Variants in SH2D1B observed in about 807,000 individuals in gnomAD.
SH2D1B encodes the protein SH2 domain-containing protein 1B.
A neutral mutation model predicts 16.3 loss-of-function variants in SH2D1B; 11 were observed. The ratio of observed to expected loss-of-function variants is 0.67; its 90% confidence interval spans 0.42 to 1.11. SH2D1B has a LOEUF of 1.11. Among genes scored for constraint, SH2D1B ranks in the 50% most tolerant of loss-of-function variants. The probability of loss-of-function intolerance (pLI) is 0.00; values close to 1 mark genes in which losing one functional copy is unlikely to be tolerated. For synonymous variants in SH2D1B, 55 were observed against 56.1 expected (o/e 0.98, Z 0.09); for missense variants, 123 against 153.1 (o/e 0.80, Z 1.04).
intron 2 of SH2D1B, among the ~76,000 whole-genome samples, chr1:162,401,527 A>G (rs1445293213): frequency 6.6e-6 from 1 of 152,210 alleles, no homozygotes; most frequent in East Asian, 1.9e-4. Context: ...ACACATATAT[A>G]TAAGCTATTT....
In SH2D1B at chr1:162,397,254, A is replaced by T. The variant is rs1411529828; in HGVS notation, c.*26T>A. On this transcript the variant is annotated 3_prime_UTR_variant, in exon 4 of 4. Transcript: ENST00000367929. ...GTGAGAACTGTTACTCATCTCTTCA[A>T]CTTGCTTTGTCCGGCAGCCTTATCT... 5 of 1,613,542 alleles carry T rather than the reference A, an allele frequency of 3.1e-6. No individual in the cohort carries two copies. In the African/African-American group the frequency reaches 6.7e-5, roughly 22 times the overall value.
chr1:162,399,538 T>C (rs535378349), intron 2 of SH2D1B, among the ~76,000 whole-genome samples: 2 of 152,214 alleles, frequency 1.3e-5, no homozygotes, highest in African/African-American at 4.8e-5. Context: ...ATGTGCAGGA[T>C]GTACAGGTTT....
intron 2 of SH2D1B, among the ~76,000 whole-genome samples, chr1:162,399,854 TA>T (rs1369181865): frequency 6.6e-6 from 1 of 152,210 alleles, no homozygotes; most frequent in Non-Finnish European, 1.5e-5. Flanking sequence ...TTTTTTGACC[TA>T]AGCTCCTTTC....
intron 2 of SH2D1B, among the ~76,000 whole-genome samples, chr1:162,400,128 A>G (rs192603925): frequency 2.0e-4 from 31 of 152,276 alleles, no homozygotes; most frequent in African/African-American, 6.7e-4. Flanking sequence ...TACTTTATGA[A>G]TTTAAAATAC....
chr1:162,404,048 T>G (rs904844923), intron 1 of SH2D1B, among the ~76,000 whole-genome samples: 3 of 152,106 alleles, frequency 2.0e-5, no homozygotes, highest in African/African-American at 7.2e-5. Flanking sequence ...ATATATTACG[T>G]TCTTAGGCAG....
rs529037562 is a variant in SH2D1B at position 162,400,667 on chromosome 1, G to T, written c.199-1580C>A. Among the ~76,000 whole-genome samples the T allele has an allele frequency of 2.6e-5, 4 of 151,906 alleles. No homozygotes were observed. The South Asian group carries it at 8.4e-4, about 32-fold the overall frequency. On this transcript the variant is annotated intron_variant, in intron 2 of 3. Coordinates refer to ENST00000367929, the MANE Select transcript of SH2D1B (RefSeq NM_053282.5). ...ATTTTAAAATGAAAAGAATTTTCTG[G>T]CTAGGCTCAGTGGCTCATGCCTGTA...
At chr1:162,398,769 C>T (rs1442160340) in intron 3 of SH2D1B, among the ~76,000 whole-genome samples, 154 bp downstream of exon 3, 2 of 152,218 alleles carry the variant, frequency 1.3e-5, no homozygotes, top group Non-Finnish European at 2.9e-5. Context: ...AAAGACAGCA[C>T]TTCTCAACAA....
At chr1:162,402,473 G>C (rs921575233) in intron 2 of SH2D1B, 2 of 247,690 alleles carry the variant, frequency 8.1e-6, no homozygotes, top group Non-Finnish European at 1.5e-5. Context: ...AGCCGAGATC[G>C]CACCACTGCA....
intron 1 of SH2D1B, among the ~76,000 whole-genome samples, chr1:162,406,280 C>G (rs1648652533): frequency 6.6e-6 from 1 of 152,162 alleles, no homozygotes; most frequent in Non-Finnish European, 1.5e-5. Context: ...TTCCAAATTA[C>G]ACTGAGTCCA....
chr1:162,408,025 C>T (rs1039830412), intron 1 of SH2D1B, among the ~76,000 whole-genome samples: 6 of 152,274 alleles, frequency 3.9e-5, no homozygotes, highest in Non-Finnish European at 8.8e-5. Flanking sequence ...TAATGATAGT[C>T]CAATCATCAT....
rs377292960 is a variant in SH2D1B, at chr1:162,412,024, G to T, written c.-8C>A. 3.1e-6 allele frequency: 5 copies of T among 1,613,848 alleles called. No individual in the cohort carries two copies. The highest frequency in any genetic ancestry group is 4.2e-6 in the Non-Finnish European group (5 of 1,179,924). On this transcript the variant is annotated 5_prime_UTR_variant, in exon 1 of 4. Transcript: ENST00000367929. ...GTAGTAAGGCAGATCCATGGAGAAC[G>T]CTCTTGTATCCCAGGAAGCCCTGTT...
Position 162,399,049 on chromosome 1 carries a change from T to C in SH2D1B, c.237A>G (p.Leu79=). Residue 79 remains leucine (L), a synonymous_variant, in exon 3 of 4, where the codon CTA becomes CTG. Coordinates refer to ENST00000367929, the MANE Select transcript of SH2D1B (RefSeq NM_053282.5). ...TTTCAAATTTGGAGATCAGTTCCTT[T>C]AGGCTTGGAAAGACCTGTTTTGGAG... The part of the protein sequence containing the change: ...EGSPKQVFPS[L]KELISKFEKP... 6.2e-7 allele frequency: 1 copy of C among 1,614,064 alleles called. No homozygotes were observed. The highest frequency in any genetic ancestry group is 8.5e-7 in the Non-Finnish European group (1 of 1,179,966).
chr1:162,409,076 T>C (rs1648731936), intron 1 of SH2D1B, among the ~76,000 whole-genome samples: 1 of 148,538 alleles, frequency 6.7e-6, no homozygotes, highest in Non-Finnish European at 1.5e-5. Context: ...ACCACTGCAC[T>C]CCAGCCTAGG....
At chr1:162,400,937 CTCTG>C (rs1236669668) in intron 2 of SH2D1B, among the ~76,000 whole-genome samples, 49 of 152,094 alleles carry the variant, frequency 3.2e-4, no homozygotes, top group Admixed American at 3.2e-3. Context: ...GACAGCAAGA[CTCTG>C]TCTTACACAC....
intron 1 of SH2D1B, among the ~76,000 whole-genome samples, chr1:162,406,705 C>T (rs1648661147): frequency 6.6e-6 from 1 of 152,230 alleles, no homozygotes; most frequent in South Asian, 2.1e-4. Context: ...GTCTCAGAAT[C>T]TGAGACTCAT....
At chr1:162,409,044 G>A (rs1467143655) in intron 1 of SH2D1B, among the ~76,000 whole-genome samples, 1 of 151,518 alleles carries the variant, frequency 6.6e-6, no homozygotes, top group Non-Finnish European at 1.5e-5. Flanking sequence ...AGAAGGTTGA[G>A]GTTGCAGTGA....
intron 1 of SH2D1B, among the ~76,000 whole-genome samples, chr1:162,410,663 T>C (rs909062571): frequency 1.3e-5 from 2 of 150,542 alleles, no homozygotes; most frequent in African/African-American, 4.9e-5. Flanking sequence ...TTTCTTTTTT[T>C]TTTTTTTTTT....
In SH2D1B at chr1:162,404,476, C is replaced by T. The variant is rs192022216; in HGVS notation, c.135-1674G>A. Among the ~76,000 whole-genome samples, 16 of 152,006 alleles carry T rather than the reference C, an allele frequency of 1.1e-4. No homozygotes were observed. The South Asian group carries it at 1.9e-3, about 18-fold the overall frequency. On this transcript the variant is annotated intron_variant, in intron 1 of 3. Coordinates refer to ENST00000367929, the MANE Select transcript of SH2D1B (RefSeq NM_053282.5). The stretch of plus-strand genomic sequence containing the variant: ...TTAGCTAGATTTAGTCATTCCACAA[C>T]GTATATATATTTTAAAACATCACAT...
rs1338017515 is a variant in SH2D1B at position 162,402,556 on chromosome 1, C to G, written c.198+183G>C. The G allele has an allele frequency of 7.3e-6, 4 of 551,074 alleles. No individual in the cohort carries two copies. In the African/African-American group the frequency reaches 7.6e-5, roughly 10 times the overall value. 34.1% of individuals were successfully genotyped at this position (551,074 alleles called of 1,614,324 possible). A position where few individuals can be genotyped will look rare whatever the true frequency, so the allele number is the denominator to read the frequency against. ...AACAACAAAAAAAGTAGAACCCAAGCCTAGAACCTTCCTATTTCTCTTCAG... is the reference window on the plus strand; with the variant it reads ...AACAACAAAAAAAGTAGAACCCAAGGCTAGAACCTTCCTATTTCTCTTCAG... On this transcript the variant is annotated intron_variant, in intron 2 of 3. Transcript: ENST00000367929.
Sources: allele counts gnomAD v4.1 joint callset (sites outside exome capture counted in the v4.1 genomes callset), GRCh38; gene constraint gnomAD v4.1.1; transcripts MANE v1.5; gene names NCBI Gene and HGNC (gene_info 2026-07-23, HGNC 2026-07-21).